MYRIP: variants seen among roughly 807,000 people sequenced by gnomAD.
The protein encoded by MYRIP is rab effector MyRIP.
MYRIP carries 49 observed loss-of-function variants against 98.0 expected under a neutral mutation model. The observed-to-expected ratio is 0.50, with a 90% confidence interval of 0.40 to 0.63. The LOEUF is 0.63. MYRIP is among the 30% of genes least tolerant of loss of function. The pLI is 0.00. For missense variants in MYRIP, 1,004 were observed against 1,058.2 expected (o/e 0.95, Z 0.71); for synonymous variants, 404 against 409.5 (o/e 0.99, Z 0.16).
intron 13 of MYRIP, among the ~76,000 whole-genome samples, chr3:40,246,869 C>G (rs1253309158): frequency 6.6e-6 from 1 of 152,178 alleles, no homozygotes; most frequent in Non-Finnish European, 1.5e-5. Context: ...CAATTCTCCA[C>G]TCTGTGGATG....
At chr3:39,999,884 G>A (rs1946474459) in intron 2 of MYRIP, among the ~76,000 whole-genome samples, 1 of 151,982 alleles carries the variant, frequency 6.6e-6, no homozygotes, top group Non-Finnish European at 1.5e-5. Context: ...TAGGGACATG[G>A]ATGAAGCTGG....
chr3:40,001,910 G>A (rs1231781824), intron 2 of MYRIP, among the ~76,000 whole-genome samples: 2 of 152,172 alleles, frequency 1.3e-5, no homozygotes, highest in African/African-American at 2.4e-5. Context: ...GACATCGTGG[G>A]TGAGAGAAAG....
chr3:40,079,270 A>G (rs1394892480), intron 3 of MYRIP, among the ~76,000 whole-genome samples: 3 of 152,240 alleles, frequency 2.0e-5, no homozygotes, highest in Non-Finnish European at 4.4e-5. Flanking sequence ...TACCAAGGCT[A>G]TCCTGGGCAA....
chr3:40,207,455 G>GA (rs562957627), intron 10 of MYRIP, among the ~76,000 whole-genome samples: 9 of 150,308 alleles, frequency 6.0e-5, no homozygotes, highest in East Asian at 3.9e-4. Context: ...CTCAGGACCA[G>GA]AAAAAAAAAT....
chr3:39,895,919 GT>G (rs1193261072), intron 1 of MYRIP, among the ~76,000 whole-genome samples: 6 of 28,714 alleles, frequency 2.1e-4, no homozygotes, highest in African/African-American at 1.8e-3. Context: ...TGTGTGTGGT[GT>G]GTGTGTGTGT....
intron 2 of MYRIP, among the ~76,000 whole-genome samples, chr3:39,955,069 G>A (rs932652144): frequency 6.6e-6 from 1 of 152,140 alleles, no homozygotes; most frequent in Admixed American, 6.5e-5. Flanking sequence ...TGAAAGTGAC[G>A]GGGAGAATGA....
intron 10 of MYRIP, among the ~76,000 whole-genome samples, chr3:40,192,721 AAGGAG>A (rs1395786869): frequency 2.6e-5 from 4 of 152,162 alleles, no homozygotes; most frequent in Non-Finnish European, 5.9e-5. Flanking sequence ...AAGGAGGATT[AAGGAG>A]AGGATTTTGT....
At chr3:39,846,837 C>T (rs1261816208) in intron 1 of MYRIP, among the ~76,000 whole-genome samples, 1 of 152,154 alleles carries the variant, frequency 6.6e-6, no homozygotes, top group East Asian at 1.9e-4. Flanking sequence ...GGGCCAGCAG[C>T]TTGAGACCCA....
At chr3:40,195,484 T>C (rs538362953) in intron 10 of MYRIP, among the ~76,000 whole-genome samples, 1 of 152,190 alleles carries the variant, frequency 6.6e-6, no homozygotes, top group East Asian at 1.9e-4. Context: ...TCTGTAGAAA[T>C]GGGGTCTTGC....
chr3:40,070,277 C>T (rs1402945716), intron 3 of MYRIP, among the ~76,000 whole-genome samples: 2 of 152,120 alleles, frequency 1.3e-5, no homozygotes, highest in Admixed American at 1.3e-4. Context: ...ATGTGGGGGA[C>T]TGTATCCTTG....
intron 8 of MYRIP, among the ~76,000 whole-genome samples, chr3:40,171,879 T>G (rs1950624028): frequency 6.6e-6 from 1 of 152,234 alleles, no homozygotes; most frequent in East Asian, 1.9e-4. Context: ...GAGGTTTGAC[T>G]CACGGTTCCA....
intron 2 of MYRIP, among the ~76,000 whole-genome samples, chr3:39,943,305 G>GT (rs1447749395): frequency 6.6e-6 from 1 of 152,116 alleles, no homozygotes; most frequent in Non-Finnish European, 1.5e-5. Flanking sequence ...TATTATTAAA[G>GT]TTTTATGATG....
intron 16 of MYRIP, among the ~76,000 whole-genome samples, chr3:40,253,357 T>C (rs1953448227): frequency 6.6e-6 from 1 of 152,232 alleles, no homozygotes; most frequent in South Asian, 2.1e-4. Context: ...TAGGGACTTG[T>C]ATGAATGGCC....
intron 2 of MYRIP, among the ~76,000 whole-genome samples, chr3:39,996,665 G>A (rs180800402): frequency 1.1e-3 from 169 of 152,260 alleles, no homozygotes; most frequent in African/African-American, 3.9e-3. Flanking sequence ...ACTGAACTCA[G>A]CTCTGCACCA....
intron 3 of MYRIP, among the ~76,000 whole-genome samples, chr3:40,138,314 G>C (rs916143867): frequency 6.6e-6 from 1 of 152,096 alleles, no homozygotes; most frequent in African/African-American, 2.4e-5. Context: ...TGGAGCTCTC[G>C]GTTGAGCTGT....
At chr3:40,007,877 C>T (rs1946669134) in intron 2 of MYRIP, among the ~76,000 whole-genome samples, 1 of 152,206 alleles carries the variant, frequency 6.6e-6, no homozygotes. Context: ...GAGGCTCATC[C>T]ACATTATGCA....
At chr3:39,933,209 C>A (rs1944580639) in intron 2 of MYRIP, among the ~76,000 whole-genome samples, 1 of 152,212 alleles carries the variant, frequency 6.6e-6, no homozygotes, top group African/African-American at 2.4e-5. Flanking sequence ...GGACTACCAC[C>A]TGTTTTTGTA....
chr3:40,031,457 G>T (rs920582257), intron 2 of MYRIP, among the ~76,000 whole-genome samples: 2 of 152,132 alleles, frequency 1.3e-5, no homozygotes, highest in Non-Finnish European at 2.9e-5. Context: ...AGGCTGCAAT[G>T]CTAATTTCTG....
At chr3:40,073,033 C>A (rs998177026) in intron 3 of MYRIP, among the ~76,000 whole-genome samples, 1 of 152,132 alleles carries the variant, frequency 6.6e-6, no homozygotes, top group Admixed American at 6.5e-5. Flanking sequence ...CTGGGACCTG[C>A]TTTCTCATTT....
Sources: allele counts gnomAD v4.1 joint callset (sites outside exome capture counted in the v4.1 genomes callset), GRCh38; gene constraint gnomAD v4.1.1; transcripts MANE v1.5; gene names NCBI Gene and HGNC (gene_info 2026-07-23, HGNC 2026-07-21).